Variants in POU2AF2 observed in about 807,000 individuals in gnomAD.
The protein encoded by POU2AF2 is POU domain class 2-associating factor 2.
the POU2AF2 span, among the ~76,000 whole-genome samples, chr11:111,247,191 C>CAGAGAGAGAGAGAGAGAGAGAGAG: frequency 2.4e-4 from 35 of 144,870 alleles, no homozygotes; most frequent in South Asian, 7.2e-4. Context: ...TACACACACA[C>CAGAGAGAGAGAGAGAGAGAGAGAG]AGAGAGAGAG....
chr11:111,250,423 A>T, the POU2AF2 span, among the ~76,000 whole-genome samples: 4 of 152,222 alleles, frequency 2.6e-5, no homozygotes, highest in East Asian at 3.8e-4. Flanking sequence ...AAATTTTTGC[A>T]GCCAAGTTTT....
chr11:111,274,476 A>G, the POU2AF2 span, among the ~76,000 whole-genome samples: 2 of 152,004 alleles, frequency 1.3e-5, no homozygotes, highest in African/African-American at 2.4e-5. Flanking sequence ...ATTTTATTAT[A>G]TGTAAATTAC....
the POU2AF2 span, among the ~76,000 whole-genome samples, chr11:111,258,928 G>C: frequency 2.4e-4 from 36 of 152,174 alleles, no homozygotes; most frequent in Admixed American, 6.5e-4. Context: ...GTGACAGTGG[G>C]TCTTTTATGG....
the POU2AF2 span, among the ~76,000 whole-genome samples, chr11:111,267,131 G>A: frequency 0.015 from 2,308 of 152,228 alleles, 52 homozygotes; most frequent in African/African-American, 0.051. Flanking sequence ...CCTTTCCTAC[G>A]ATACTCAGAC....
chr11:111,269,264 T>A, the POU2AF2 span, among the ~76,000 whole-genome samples: 1 of 152,156 alleles, frequency 6.6e-6, no homozygotes, highest in Admixed American at 6.5e-5. Context: ...AATGTTTGAA[T>A]ACAGAGGTAC....
At chr11:111,286,062 G>A in the POU2AF2 span, 1 of 1,601,826 alleles carries the variant, frequency 6.2e-7, no homozygotes, top group South Asian at 1.1e-5. Context: ...TGAGGGGAGG[G>A]CCAAATGACT....
the POU2AF2 span, among the ~76,000 whole-genome samples, chr11:111,277,218 C>T: frequency 6.6e-6 from 1 of 152,248 alleles, no homozygotes; most frequent in East Asian, 1.9e-4. Flanking sequence ...ACAGAGAGTA[C>T]AATTTCCACA....
chr11:111,277,266 C>T, the POU2AF2 span, among the ~76,000 whole-genome samples: 1 of 152,130 alleles, frequency 6.6e-6, no homozygotes, highest in Non-Finnish European at 1.5e-5. Flanking sequence ...GACAAGAGTA[C>T]AAAAAGCTTC....
chr11:111,255,428 A>T, the POU2AF2 span, among the ~76,000 whole-genome samples: 7 of 152,274 alleles, frequency 4.6e-5, no homozygotes, highest in East Asian at 1.3e-3. Flanking sequence ...TGAAGCAGTA[A>T]CTCCTCATGT....
chr11:111,248,638 G>A, the POU2AF2 span, among the ~76,000 whole-genome samples: 1 of 152,154 alleles, frequency 6.6e-6, no homozygotes, highest in South Asian at 2.1e-4. Flanking sequence ...TAAAGTTATG[G>A]GATGATTTTG....
At chr11:111,248,648 G>T in the POU2AF2 span, among the ~76,000 whole-genome samples, 4 of 152,222 alleles carry the variant, frequency 2.6e-5, no homozygotes, top group East Asian at 7.7e-4. Flanking sequence ...GGATGATTTT[G>T]CTTTTTCTTT....
At chr11:111,260,638 C>T in the POU2AF2 span, among the ~76,000 whole-genome samples, 1 of 152,138 alleles carries the variant, frequency 6.6e-6, no homozygotes. Flanking sequence ...CCAGTAGCCA[C>T]CAGAAGCTTG....
chr11:111,246,967 C>T, the POU2AF2 span, among the ~76,000 whole-genome samples: 1 of 152,148 alleles, frequency 6.6e-6, no homozygotes, highest in Non-Finnish European at 1.5e-5. Context: ...CTCATTTCCT[C>T]CCCCACCTCA....
chr11:111,257,752 T>C, the POU2AF2 span, among the ~76,000 whole-genome samples: 1,834 of 152,334 alleles, frequency 0.012, 17 homozygotes, highest in Admixed American at 0.018. Context: ...GTCTGAATAA[T>C]TGGCTCCTTG....
the POU2AF2 span, among the ~76,000 whole-genome samples, chr11:111,262,568 T>C: frequency 6.6e-6 from 1 of 152,236 alleles, no homozygotes; most frequent in South Asian, 2.1e-4. Flanking sequence ...GCATATTCTA[T>C]CATCTCAAAG....
the POU2AF2 span, among the ~76,000 whole-genome samples, chr11:111,284,766 A>C: frequency 6.6e-6 from 1 of 152,176 alleles, no homozygotes; most frequent in African/African-American, 2.4e-5. Context: ...AATGAGATGG[A>C]TCATAATCTC....
the POU2AF2 span, chr11:111,256,171 T>G: frequency 2.5e-6 from 1 of 398,340 alleles, no homozygotes; most frequent in Non-Finnish European, 4.4e-6. Flanking sequence ...AATCACCTAC[T>G]TCCTGGGTCT....
chr11:111,247,187 C>G, the POU2AF2 span, among the ~76,000 whole-genome samples: 81 of 45,104 alleles, frequency 1.8e-3, no homozygotes, highest in Middle Eastern at 0.025. Context: ...CACATACACA[C>G]ACACAGAGAG....
the POU2AF2 span, among the ~76,000 whole-genome samples, chr11:111,249,118 C>T: frequency 2.6e-5 from 4 of 152,126 alleles, no homozygotes; most frequent in South Asian, 2.1e-4. Context: ...GCTTTCTTTC[C>T]GGAAGCACAC....
Sources: allele counts gnomAD v4.1 joint callset (sites outside exome capture counted in the v4.1 genomes callset), GRCh38; gene constraint gnomAD v4.1.1; transcripts MANE v1.5; gene names NCBI Gene and HGNC (gene_info 2026-07-23, HGNC 2026-07-21).